The following PI16 variants were observed in gnomAD, a reference collection of about 807,000 sequenced individuals.
PI16 encodes peptidase inhibitor 16.
PI16 carries 35 observed loss-of-function variants against 38.0 expected under a neutral mutation model. The ratio of observed to expected loss-of-function variants is 0.92; its 90% CI spans 0.70 to 1.22. PI16 has a LOEUF of 1.22. Ranked by LOEUF, PI16 falls within the 50% of genes most tolerant of loss-of-function variation. The pLI is 0.00. For missense variants in PI16, 572 were observed against 593.8 expected (o/e 0.96, Z 0.38); for synonymous variants, 275 against 252.9 (o/e 1.09, Z -0.83).
At chr6:36,958,054 T>A (rs770984622) in intron 1 of PI16, among the ~76,000 whole-genome samples, 3 of 152,216 alleles carry the variant, frequency 2.0e-5, no homozygotes, top group Non-Finnish European at 2.9e-5. Context: ...TGTGGAGCTA[T>A]CCCAGCCAGG....
At chr6:36,958,782 T>A (rs556309432) in intron 1 of PI16, among the ~76,000 whole-genome samples, 1 of 152,178 alleles carries the variant, frequency 6.6e-6, no homozygotes, top group South Asian at 2.1e-4. Flanking sequence ...TTCAGAGAAG[T>A]TCAAGGAGGA....
chr6:36,951,683 G>C (rs943242792), upstream of PI16, among the ~76,000 whole-genome samples: 1 of 152,140 alleles, frequency 6.6e-6, no homozygotes, highest in Non-Finnish European at 1.5e-5. Context: ...CAGATTACTT[G>C]AGGTCAGGAG....
chr6:36,958,401 C>T (rs1398820370), intron 1 of PI16, among the ~76,000 whole-genome samples: 5 of 152,222 alleles, frequency 3.3e-5, no homozygotes, highest in Non-Finnish European at 5.9e-5. Context: ...CTAAAATTCC[C>T]CCTCTCACCA....
chr6:36,953,718 T>C (rs937034276), upstream of PI16, among the ~76,000 whole-genome samples: 8 of 152,178 alleles, frequency 5.3e-5, no homozygotes, highest in South Asian at 2.1e-4. Flanking sequence ...TCCTGCTTCA[T>C]GAACCGGTCA....
chr6:36,951,273 C>T (rs1425998262), upstream of PI16, among the ~76,000 whole-genome samples: 1 of 152,122 alleles, frequency 6.6e-6, no homozygotes, highest in Non-Finnish European at 1.5e-5. Context: ...GACAGGCTCT[C>T]CCTCTGTTGC....
At chr6:36,956,134 C>T (rs1046324085) in intron 1 of PI16, among the ~76,000 whole-genome samples, 3 of 152,250 alleles carry the variant, frequency 2.0e-5, no homozygotes, top group Non-Finnish European at 4.4e-5. Flanking sequence ...AAACATGGGG[C>T]TGGCGATCCC....
intron 1 of PI16, 22 bp downstream of exon 1, chr6:36,954,953 G>C (rs971993104): frequency 6.2e-7 from 1 of 1,608,332 alleles, no homozygotes; most frequent in African/African-American, 1.3e-5. Context: ...CACGGCCCTT[G>C]CTGGCTGGGA....
intron 2 of PI16, among the ~76,000 whole-genome samples, chr6:36,960,644 C>CT (rs1763337903): frequency 8.2e-6 from 1 of 122,254 alleles, no homozygotes; most frequent in East Asian, 2.2e-4. Flanking sequence ...CTCCCTCCAC[C>CT]CCCCCCCTCC....
At position 36,959,324 on chromosome 6, in the gene PI16, C is replaced by T. The variant is rs149621137; in HGVS notation, c.351C>T (p.Ala117=). ...HHEREHYNLS[A]ATCSPGQMCG... ...AGCGTGAGCACTACAACCTCAGCGC[C>T]GCCACCTGCAGCCCAGGCCAGATGT... The change falls in exon 2 of 7, where the codon GCC becomes GCT. Residue 117 remains alanine (A), a synonymous_variant. Transcript: ENST00000373674. The T allele has an allele frequency of 3.6e-5, 57 of 1,574,312 alleles. No homozygotes were observed. The highest frequency in any genetic ancestry group is 4.3e-5 in the Non-Finnish European group (50 of 1,160,266).
At position 36,963,045 on chromosome 6, in the gene PI16, T is replaced by A. The variant is rs756012600; in HGVS notation, c.703T>A (p.Ser235Thr). 5.6e-6 allele frequency: 9 copies of A among 1,614,190 alleles called. No individual in the cohort carries two copies. The East Asian group carries it at 1.1e-4, about 20-fold the overall frequency. ...SDSRKMGTPS[S>T]LATGIPAFLV... is the part of the protein sequence containing the mutation. Reference sequence around the variant, plus strand: ...CTCTAGGAAAATGGGTACTCCTTCTTCCCTAGCAACGGGGATTCCGGCTTT... The same window carrying A: ...CTCTAGGAAAATGGGTACTCCTTCTACCCTAGCAACGGGGATTCCGGCTTT... Residue 235 changes from serine (S) to threonine (T), a missense_variant, in exon 5 of 7, where the codon TCC (serine) becomes ACC (threonine). Physicochemically the swap from Ser to Thr is moderately conservative, Grantham distance 58. Coordinates refer to ENST00000373674, the MANE Select transcript of PI16 (RefSeq NM_153370.3).
At chr6:36,953,300 C>A (rs1167329063), upstream of PI16, among the ~76,000 whole-genome samples, 1 of 149,400 alleles carries the variant, frequency 6.7e-6, no homozygotes, top group African/African-American at 2.5e-5. Context: ...CATGCCACTG[C>A]ACTCCAGCCT....
Position 36,963,463 on chromosome 6 carries a change from T to C in PI16, c.1121T>C (p.Phe374Ser). ...PPSSEVLASV[F>S]PAQDKPGELQ... ...TCCAGTGAGGTCTTGGCCTCAGTTT[T>C]TCCAGCCCAGGACAAGCCAGGTGAG... Residue 374 changes from phenylalanine to serine, a missense_variant, in exon 5 of 7, where the codon TTT becomes TCT. By Grantham distance (155) the Phe-to-Ser change is radical. Transcript: ENST00000373674. 6.2e-7 allele frequency: 1 copy of C among 1,614,186 alleles called. No homozygotes were observed. Among genetic ancestry groups the C allele is most frequent in the Middle Eastern group, 1.6e-4 (1 of 6,062 alleles).
chr6:36,959,015 T>C, intron 1 of PI16, 130 bp from the exon 2 acceptor site: 1 of 800,638 alleles, frequency 1.2e-6, no homozygotes, highest in Non-Finnish European at 2.0e-6. Context: ...AGACCTGTTC[T>C]AGGCCATGCC....
chr6:36,949,789 AG>A (rs1477136149), upstream of PI16, among the ~76,000 whole-genome samples: 2 of 152,116 alleles, frequency 1.3e-5, no homozygotes, highest in African/African-American at 2.4e-5. Flanking sequence ...CTCAAGTTTC[AG>A]GGTCAGAAAT....
chr6:36,948,667 T>TCCTCCCTC (rs1763052263), intron 1 of PI16, among the ~76,000 whole-genome samples: 1 of 1,814 alleles, frequency 5.5e-4, no homozygotes, highest in Admixed American at 4.3e-3. Context: ...CTTCCCTCCT[T>TCCTCCCTC]CCTCCCTCCC....
Position 36,954,928 on chromosome 6 carries a change from C to T in PI16, c.168C>T (p.His56=), listed in dbSNP as rs1763165401. ...CCCCGACGGCCTCAGACATGCTGCA[C>T]ATGGTAAGTGTGGCCACGGCCCTTG... The part of the protein sequence containing the change: ...QVSPTASDML[H]MRWDEELAAF... The change falls in exon 1 of 7, where the codon CAC becomes CAT. Residue 56 remains histidine (H), a synonymous_variant. Transcript: ENST00000373674. 3 of 1,612,668 alleles carry T rather than the reference C, an allele frequency of 1.9e-6. No homozygotes were observed. The highest frequency in any genetic ancestry group is 2.2e-5 in the East Asian group (1 of 44,862).
In PI16 at chr6:36,962,645, G is replaced by A. The variant is rs1377597862; in HGVS notation, c.593-290G>A. On this transcript the variant is annotated intron_variant, in intron 4 of 6. Coordinates refer to ENST00000373674, the MANE Select transcript of PI16 (RefSeq NM_153370.3). The surrounding 1 kb of genome is among the most constrained non-coding windows in gnomAD (Gnocchi z 4.1). The stretch of plus-strand genomic sequence containing the variant: ...CGCGCCACCACGCCTGGCTAATTTT[G>A]TATTTTTAGTAGAGATGGGGTTTCT... Among the ~76,000 whole-genome samples the A allele has an allele frequency of 6.6e-6, 1 of 151,998 alleles. No homozygotes were observed. Among genetic ancestry groups the A allele is most frequent in the Non-Finnish European group, 1.5e-5 (1 of 67,990 alleles).
chr6:36,956,843 C>T (rs1763220361), intron 1 of PI16, among the ~76,000 whole-genome samples: 1 of 152,150 alleles, frequency 6.6e-6, no homozygotes. Context: ...GGGAATGGAT[C>T]CAGGGTGAGG....
rs1482959928 is a variant in PI16, at chr6:36,948,692, T to C, written c.-82+288T>C. Among the ~76,000 whole-genome samples the C allele has an allele frequency of 4.0e-3, 220 of 54,698 alleles. 5 individuals are homozygous for C. The highest frequency in any genetic ancestry group is 6.9e-3 in the South Asian group (9 of 1,296). 35.9% of individuals were successfully genotyped at this position (54,698 alleles called of 152,430 possible). ...TCCTCCCTCCCTCCTTCCTCCCTCCTTTCCTTACTGTCTCCCTTTCTCTCT... is the reference window on the plus strand; with the variant it reads ...TCCTCCCTCCCTCCTTCCTCCCTCCCTTCCTTACTGTCTCCCTTTCTCTCT... On this transcript the variant is annotated intron_variant, in intron 1 of 7. Transcript: ENST00000611814.
Sources: allele counts gnomAD v4.1 joint callset (sites outside exome capture counted in the v4.1 genomes callset), GRCh38; gene constraint gnomAD v4.1.1; non-coding constraint Gnocchi (gnomAD v3.1); transcripts MANE v1.5; gene names NCBI Gene and HGNC (gene_info 2026-07-23, HGNC 2026-07-21).